SIPA1L2: variants seen among roughly 807,000 people sequenced by gnomAD.
SIPA1L2 encodes the protein signal induced proliferation associated 1 like 2.
In SIPA1L2, 56 loss-of-function variants were observed where a neutral mutation model predicts 163.9. That is an observed-to-expected ratio of 0.34 (90% CI 0.28 to 0.43). SIPA1L2 has a LOEUF of 0.43. SIPA1L2 is among the 20% of genes least tolerant of loss of function. The pLI is 1.00. For missense variants in SIPA1L2, 1,974 were observed against 2,193.5 expected (o/e 0.90, Z 2.00); for synonymous variants, 877 against 865.7 (o/e 1.01, Z -0.23).
At chr1:232,552,765 A>G (rs1190501357) in intron 2 of SIPA1L2, among the ~76,000 whole-genome samples, 2 of 152,270 alleles carry the variant, frequency 1.3e-5, no homozygotes, top group African/African-American at 4.8e-5. Context: ...GAAATAAAAA[A>G]GCAGATTCCT....
rs1412643396 is a variant in SIPA1L2, at chr1:232,529,852, G to GT, written c.-269-14245dup. On this transcript the variant is annotated intron_variant, in intron 2 of 22. Transcript: ENST00000674635. ...GGCCAACAGAAGGCAAGAGAAAGCCGTAAGAGATCTGTATTATGCTCTTGA... is the reference window on the plus strand; with the variant it reads ...GGCCAACAGAAGGCAAGAGAAAGCCGTTAAGAGATCTGTATTATGCTCTTGA... Among the ~76,000 whole-genome samples, 14 of 152,306 alleles carry GT rather than the reference G, an allele frequency of 9.2e-5. No homozygotes were observed. The South Asian group carries it at 2.9e-3, about 32-fold the overall frequency.
At chr1:232,425,846 T>G (rs1558166065) in intron 17 of SIPA1L2, 38 bp from the exon 18 acceptor site, 1 of 1,571,084 alleles carries the variant, frequency 6.4e-7, no homozygotes, top group Admixed American at 1.7e-5. Flanking sequence ...GAACAGACAT[T>G]AAAAAAACGA....
In SIPA1L2 at chr1:232,617,243, G is replaced by A. The variant is rs139999783; in HGVS notation, c.-319+12626C>T. ...AATGCTGTGAGCTGGCCTGAGCCAGGCCCGCAGCAAGTGTCAGCCAACTAA... is the reference window on the plus strand; with the variant it reads ...AATGCTGTGAGCTGGCCTGAGCCAGACCCGCAGCAAGTGTCAGCCAACTAA... On this transcript the variant is annotated intron_variant, in intron 1 of 22. Coordinates refer to ENST00000674635, the MANE Select transcript of SIPA1L2 (RefSeq NM_020808.5). 1.3e-3 allele frequency among the ~76,000 whole-genome samples: 201 copies of A among 152,350 alleles called. 1 individual carries two copies. Among genetic ancestry groups the A allele is most frequent in the African/African-American group, 4.7e-3 (194 of 41,588 alleles).
chr1:232,446,662 G>GT (rs1236126192), intron 10 of SIPA1L2, among the ~76,000 whole-genome samples: 1 of 152,272 alleles, frequency 6.6e-6, no homozygotes, highest in Non-Finnish European at 1.5e-5. Flanking sequence ...ACATATGGGA[G>GT]TTGGTGGATT....
At chr1:232,415,170 C>T (rs987038530) in intron 19 of SIPA1L2, among the ~76,000 whole-genome samples, 5 of 152,228 alleles carry the variant, frequency 3.3e-5, no homozygotes, top group East Asian at 1.9e-4. Context: ...TGAGGAAAGA[C>T]GCAAGGTGCT....
Position 232,464,942 on chromosome 1 carries a change from T to A in SIPA1L2, c.2718A>T (p.Gly906=). The A allele has an allele frequency of 3.1e-6, 5 of 1,614,216 alleles. No individual in the cohort carries two copies. The highest frequency in any genetic ancestry group is 4.2e-6 in the Non-Finnish European group (5 of 1,180,036). The part of the protein sequence containing the change: ...SCRDVIGWTS[G]LVSIKVFYER... ...CGTAAAACACTTTGATACTCACTAA[T>A]CCAGATGTCCACCCAATCACATCCC... The change falls in exon 9 of 23, where the codon GGA becomes GGT. Residue 906 remains glycine, a synonymous_variant. Transcript: ENST00000674635.
chr1:232,484,016 TA>T, intron 5 of SIPA1L2, 50 bp from the exon 6 acceptor site: 1 of 1,523,414 alleles, frequency 6.6e-7, no homozygotes. Context: ...TCAGACAAGC[TA>T]ACTTCCAGTA....
At chr1:232,498,911 C>A (rs1324569613) in intron 3 of SIPA1L2, among the ~76,000 whole-genome samples, 1 of 152,146 alleles carries the variant, frequency 6.6e-6, no homozygotes, top group Non-Finnish European at 1.5e-5. Flanking sequence ...CTCTGGAGTC[C>A]ATTATTTAGC....
chr1:232,447,836 A>C (rs1308529869), intron 10 of SIPA1L2, among the ~76,000 whole-genome samples: 1 of 152,258 alleles, frequency 6.6e-6, no homozygotes, highest in East Asian at 1.9e-4. Flanking sequence ...GGTGATAAAT[A>C]AGCTTTAACA....
At chr1:232,432,525 G>T in intron 15 of SIPA1L2, 54 bp from the exon 16 acceptor site, 2 of 1,533,632 alleles carry the variant, frequency 1.3e-6, no homozygotes, top group Non-Finnish European at 1.8e-6. Flanking sequence ...AGCAGTGCTG[G>T]CACACGGCCA....
At chr1:232,501,280 T>C (rs1313187297) in intron 3 of SIPA1L2, among the ~76,000 whole-genome samples, 1 of 152,110 alleles carries the variant, frequency 6.6e-6, no homozygotes, top group Non-Finnish European at 1.5e-5. Context: ...TATAGCACTA[T>C]CTGCATAGTA....
chr1:232,602,704 T>C (rs559894263), intron 1 of SIPA1L2, among the ~76,000 whole-genome samples: 62 of 152,034 alleles, frequency 4.1e-4, no homozygotes, highest in African/African-American at 1.5e-3. Context: ...CTGGCAGCAA[T>C]ATGAAGGATG....
chr1:232,485,862 G>A (rs1402191408), intron 5 of SIPA1L2, among the ~76,000 whole-genome samples: 1 of 152,188 alleles, frequency 6.6e-6, no homozygotes, highest in Non-Finnish European at 1.5e-5. Flanking sequence ...ACTCACTCCA[G>A]TGCCTGTGCA....
intron 3 of SIPA1L2, among the ~76,000 whole-genome samples, chr1:232,494,319 A>T (rs531229186): frequency 6.6e-6 from 1 of 152,348 alleles, no homozygotes; most frequent in South Asian, 2.1e-4. Context: ...CATTGCTTTC[A>T]CATAAAATCA....
chr1:232,398,880 C>T lies in SIPA1L2; in HGVS notation c.*247G>A, dbSNP rs370584378. The T allele has an allele frequency of 4.5e-5, 21 of 468,324 alleles. No individual in the cohort carries two copies. The highest frequency in any genetic ancestry group is 2.1e-4 in the African/African-American group (11 of 51,366). 29.0% of individuals were successfully genotyped at this position (468,324 alleles called of 1,614,324 possible). On this transcript the variant is annotated 3_prime_UTR_variant, in exon 23 of 23. Transcript: ENST00000674635. ...TCTAAAAGAAAAAGGTCTCAACTGT[C>T]GCCAGGGTTTACATTCATCTTCACA...
intron 3 of SIPA1L2, among the ~76,000 whole-genome samples, chr1:232,508,060 TAA>T (rs954404336): frequency 1.3e-5 from 2 of 152,186 alleles, no homozygotes; most frequent in African/African-American, 4.8e-5. Flanking sequence ...TTAAAAATTC[TAA>T]ATGAAAAAAA....
At chr1:232,437,492 T>C (rs541137432) in intron 15 of SIPA1L2, among the ~76,000 whole-genome samples, 56 of 152,340 alleles carry the variant, frequency 3.7e-4, no homozygotes, top group African/African-American at 1.3e-3. Context: ...AAAATAATCT[T>C]CATATCCTAA....
At chr1:232,478,631 G>A (rs1206896824) in intron 7 of SIPA1L2, among the ~76,000 whole-genome samples, 1 of 152,114 alleles carries the variant, frequency 6.6e-6, no homozygotes, top group African/African-American at 2.4e-5. Flanking sequence ...TAGAGCAAAG[G>A]AGTATCAGTT....
chr1:232,460,083 A>T (rs1252363982), intron 10 of SIPA1L2, among the ~76,000 whole-genome samples: 1 of 152,192 alleles, frequency 6.6e-6, no homozygotes, highest in Non-Finnish European at 1.5e-5. Context: ...GGGAATGAAG[A>T]TAGAGGGAAG....
Sources: gnomAD v4.1 joint callset for allele counts (sites outside exome capture counted in the v4.1 genomes callset) on GRCh38, gnomAD v4.1.1 for gene constraint, MANE v1.5 for transcripts, NCBI Gene and HGNC (gene_info 2026-07-23, HGNC 2026-07-21) for gene names.